TRPM3: variants seen among roughly 807,000 people sequenced by gnomAD.
TRPM3 encodes long transient receptor potential channel 3.
Under a neutral mutation model 181.2 loss-of-function variants are expected in TRPM3, and 77 were observed. The observed-to-expected ratio is 0.42, with a 90% CI of 0.35 to 0.51. TRPM3 has a LOEUF of 0.51. Ranked by LOEUF, TRPM3 falls within the 20% of genes least tolerant of loss-of-function variation. The pLI, the probability that TRPM3 is intolerant of heterozygous loss-of-function variation, is 0.01. For synonymous variants in TRPM3, 745 were observed against 796.4 expected (o/e 0.94, Z 1.09); for missense variants, 1,759 against 2,196.7 (o/e 0.80, Z 3.98).
intron 1 of TRPM3, among the ~76,000 whole-genome samples, chr9:71,350,872 T>C (rs938122921): frequency 1.3e-5 from 2 of 152,092 alleles, no homozygotes; most frequent in Non-Finnish European, 2.9e-5. Flanking sequence ...TGGTAACTGG[T>C]GTGGAAGATA....
At chr9:71,292,493 A>G (rs1313168675) in intron 1 of TRPM3, among the ~76,000 whole-genome samples, 1 of 152,012 alleles carries the variant, frequency 6.6e-6, no homozygotes, top group Non-Finnish European at 1.5e-5. Context: ...GATAATATAA[A>G]CAATAAACTA....
intron 1 of TRPM3, among the ~76,000 whole-genome samples, chr9:71,330,692 T>C (rs1041452347): frequency 6.6e-6 from 1 of 151,842 alleles, no homozygotes; most frequent in Admixed American, 6.6e-5. Flanking sequence ...AATTAGTGTT[T>C]AACACTTAAT....
intron 9 of TRPM3, among the ~76,000 whole-genome samples, chr9:70,654,922 A>T (rs1000867449): frequency 2.7e-5 from 4 of 150,688 alleles, no homozygotes; most frequent in Non-Finnish European, 5.9e-5. Flanking sequence ...TGACCTTGTG[A>T]TCTGCCCACC....
chr9:70,829,434 C>T (rs1408175366), intron 5 of TRPM3, among the ~76,000 whole-genome samples: 1 of 151,800 alleles, frequency 6.6e-6, no homozygotes, highest in Non-Finnish European at 1.5e-5. Flanking sequence ...TTTTGTTCAA[C>T]ATTGAAAAAA....
chr9:70,979,656 G>T (rs905540921), intron 1 of TRPM3, among the ~76,000 whole-genome samples: 2 of 152,106 alleles, frequency 1.3e-5, no homozygotes, highest in African/African-American at 4.8e-5. Context: ...CTTCACAACT[G>T]CAGCCACCCC....
Position 71,003,193 on chromosome 9 carries a change from T to TAAAAAA in TRPM3, c.177+117979_177+117984dup, listed in dbSNP as rs34024667. Among the ~76,000 whole-genome samples, 12 of 129,182 alleles carry TAAAAAA rather than the reference T, an allele frequency of 9.3e-5. No homozygotes were observed. In the East Asian group the frequency reaches 1.7e-3, roughly 18 times the overall value. 84.7% of individuals were successfully genotyped at this position (129,182 alleles called of 152,430 possible). On this transcript the variant is annotated intron_variant, in intron 1 of 25. Transcript: ENST00000677713. ...CATTTTGAATCCTTTTCCCTTGCCT[T>TAAAAAA]AAAAAAAAAAAAAAAAAACACTTAA...
At chr9:70,792,832 T>C (rs1009526131) in intron 6 of TRPM3, among the ~76,000 whole-genome samples, 2 of 152,124 alleles carry the variant, frequency 1.3e-5, no homozygotes, top group African/African-American at 4.8e-5. Context: ...TTAGACATTG[T>C]AGGCCAAAGG....
intron 1 of TRPM3, among the ~76,000 whole-genome samples, chr9:70,919,994 T>C (rs2096638819): frequency 6.6e-6 from 1 of 152,156 alleles, no homozygotes; most frequent in African/African-American, 2.4e-5. Context: ...CCCTGCAGTT[T>C]ACTAAATTGA....
intron 1 of TRPM3, among the ~76,000 whole-genome samples, chr9:71,096,560 G>GCACACACACA (rs35388140): frequency 1.3e-4 from 10 of 78,402 alleles, no homozygotes; most frequent in East Asian, 3.7e-4. Flanking sequence ...GTGAGCGCAT[G>GCACACACACA]CACACACACA....
At chr9:71,431,569 C>T (rs1563924573) in intron 1 of TRPM3, among the ~76,000 whole-genome samples, 2 of 152,124 alleles carry the variant, frequency 1.3e-5, no homozygotes, top group African/African-American at 2.4e-5. Context: ...CACACATTAA[C>T]GTTGCTTACA....
intron 8 of TRPM3, among the ~76,000 whole-genome samples, chr9:70,690,851 C>T (rs1436813222): frequency 1.3e-5 from 2 of 152,148 alleles, no homozygotes; most frequent in Admixed American, 1.3e-4. Flanking sequence ...TGACTTGGTA[C>T]AGGGAAGAGA....
At chr9:70,573,794 A>C (rs146927463) in intron 22 of TRPM3, among the ~76,000 whole-genome samples, 2,067 of 152,162 alleles carry the variant, frequency 0.014, 17 homozygotes, top group Middle Eastern at 0.031. Flanking sequence ...TTCATCTCAC[A>C]GTGAAGAACT....
chr9:70,963,104 C>G (rs759703167), intron 1 of TRPM3, among the ~76,000 whole-genome samples: 1 of 152,114 alleles, frequency 6.6e-6, no homozygotes, highest in Non-Finnish European at 1.5e-5. Flanking sequence ...AAACAGTAGA[C>G]CTCAAGGCAA....
intron 1 of TRPM3, among the ~76,000 whole-genome samples, chr9:71,094,812 A>G (rs1291708749): frequency 1.3e-5 from 2 of 152,138 alleles, no homozygotes; most frequent in Non-Finnish European, 2.9e-5. Context: ...CCTCTGGTTT[A>G]ATCATTTACA....
At chr9:71,032,640 A>G (rs1280968862) in intron 1 of TRPM3, among the ~76,000 whole-genome samples, 11 of 152,142 alleles carry the variant, frequency 7.2e-5, no homozygotes, top group Admixed American at 7.2e-4. Flanking sequence ...TAAGTTTTAA[A>G]TTGTTTCAAT....
chr9:70,591,288 A>AC (rs1205608328), intron 21 of TRPM3, 83 bp from the exon 22 acceptor site: 1 of 1,236,370 alleles, frequency 8.1e-7, no homozygotes, highest in Non-Finnish European at 1.2e-6. Context: ...AATGATGGGA[A>AC]CCTTTGGAGG....
At position 71,252,402 on chromosome 9, in the gene TRPM3, T is replaced by C. The variant is rs546813683; in HGVS notation, c.183+194251A>G. On this transcript the variant is annotated intron_variant, in intron 1 of 24. Transcript: ENST00000357533. ...AAAGCCATGACACGTTTATCAGACA[T>C]TGACATTGCTTTGTTCACCTTTCTA... Among the ~76,000 whole-genome samples, 84 of 152,198 alleles carry C rather than the reference T, an allele frequency of 5.5e-4. 2 individuals are homozygous for C. In the South Asian group the frequency reaches 0.016, roughly 28 times the overall value.
intron 1 of TRPM3, among the ~76,000 whole-genome samples, chr9:70,954,118 A>T (rs1016454136): frequency 5.3e-5 from 8 of 152,210 alleles, no homozygotes; most frequent in Admixed American, 2.6e-4. Context: ...AGACAAAAGC[A>T]GAAGGAAACC....
At chr9:71,420,054 G>C (rs1388393732) in intron 1 of TRPM3, among the ~76,000 whole-genome samples, 1 of 151,968 alleles carries the variant, frequency 6.6e-6, no homozygotes, top group Admixed American at 6.6e-5. Context: ...AAAGTTTTCT[G>C]TTATACCTCA....
Sources: gnomAD v4.1 joint callset for allele counts (sites outside exome capture counted in the v4.1 genomes callset) on GRCh38, gnomAD v4.1.1 for gene constraint, MANE v1.5 for transcripts, NCBI Gene and HGNC (gene_info 2026-07-23, HGNC 2026-07-21) for gene names.